Variants in SRGAP3 observed in about 807,000 individuals in gnomAD.
SRGAP3 encodes the protein SLIT-ROBO Rho GTPase activating protein 3.
Under a neutral mutation model 121.1 loss-of-function variants are expected in SRGAP3, and 39 were observed. That is an observed-to-expected ratio of 0.32 (90% CI 0.25 to 0.42). The LOEUF (loss-of-function observed/expected upper bound fraction) is 0.42, where lower values mean the gene tolerates loss of function less well. SRGAP3 is among the 10% of genes least tolerant of loss of function. The pLI is 1.00. For missense variants in SRGAP3, 1,213 were observed against 1,470.6 expected (o/e 0.82, Z 2.86); for synonymous variants, 601 against 570.0 (o/e 1.05, Z -0.77).
At chr3:9,340,058 G>A (rs1158555468) in intron 1 of SRGAP3, among the ~76,000 whole-genome samples, 1 of 152,016 alleles carries the variant, frequency 6.6e-6, no homozygotes, top group Non-Finnish European at 1.5e-5. Context: ...AGAGAGGAGT[G>A]AAGCACAAGC....
chr3:9,055,865 G>A (rs750378479), intron 8 of SRGAP3, among the ~76,000 whole-genome samples: 3 of 150,144 alleles, frequency 2.0e-5, no homozygotes. Flanking sequence ...ACTGAACATA[G>A]AGTCCTATTT....
intron 3 of SRGAP3, among the ~76,000 whole-genome samples, chr3:9,303,477 T>C (rs1162488101): frequency 2.0e-5 from 3 of 152,086 alleles, no homozygotes; most frequent in Admixed American, 2.0e-4. Flanking sequence ...TTAATGGATT[T>C]TCCAGTACAC....
intron 3 of SRGAP3, among the ~76,000 whole-genome samples, chr3:9,291,170 T>C (rs543994238): frequency 3.0e-4 from 45 of 152,312 alleles, no homozygotes; most frequent in Admixed American, 7.2e-4. Flanking sequence ...ACATGATCAA[T>C]TCATCTCGGC....
Position 9,233,989 on chromosome 3 carries a change from G to C in SRGAP3, c.67+14896C>G, listed in dbSNP as rs140165048. 4.6e-5 allele frequency among the ~76,000 whole-genome samples: 7 copies of C among 152,276 alleles called. No individual in the cohort carries two copies. In the East Asian group the frequency reaches 1.4e-3, roughly 29 times the overall value. ...TCTATGTTTCTGGCAGACAGCAGTAGAGCCTCTGCCATTTTTGGAGCAGAG... is the reference window on the plus strand; with the variant it reads ...TCTATGTTTCTGGCAGACAGCAGTACAGCCTCTGCCATTTTTGGAGCAGAG... On this transcript the variant is annotated intron_variant, in intron 1 of 21. Transcript: ENST00000383836.
At chr3:9,052,524 A>C (rs1175773504) in intron 9 of SRGAP3, among the ~76,000 whole-genome samples, 1 of 152,172 alleles carries the variant, frequency 6.6e-6, no homozygotes, top group Non-Finnish European at 1.5e-5. Context: ...CTAAAGCCCC[A>C]GTCCCCGTCT....
Position 8,981,613 on chromosome 3 carries a change from C to T in SRGAP3, c.*3906G>A. 1 of 232,672 alleles carries T rather than the reference C, an allele frequency of 4.3e-6. No homozygotes were observed. The highest frequency in any genetic ancestry group is 6.1e-5 in the East Asian group (1 of 16,480). 14.4% of individuals were successfully genotyped at this position (232,672 alleles called of 1,614,324 possible). A position where few individuals can be genotyped will look rare whatever the true frequency, so the allele number is the denominator to read the frequency against. ...TGACAGAGAAATATACCCAACAAGG[C>T]ACTCCAAGGGACTCCAACAGAGAAG... On this transcript the variant is annotated 3_prime_UTR_variant, in exon 22 of 22. Transcript: ENST00000383836.
intron 1 of SRGAP3, among the ~76,000 whole-genome samples, chr3:9,205,113 T>C (rs1282825435): frequency 2.6e-5 from 4 of 152,174 alleles, no homozygotes; most frequent in Admixed American, 6.5e-5. Context: ...TGATTATGAT[T>C]CGAAAATGCG....
chr3:9,048,313 T>G (rs1399783460), intron 9 of SRGAP3, among the ~76,000 whole-genome samples: 2 of 152,250 alleles, frequency 1.3e-5, no homozygotes, highest in Non-Finnish European at 2.9e-5. Context: ...ATGCCTCTGC[T>G]GCATGGCCAG....
intron 9 of SRGAP3, among the ~76,000 whole-genome samples, chr3:9,049,713 T>A (rs941446855): frequency 6.6e-6 from 1 of 151,856 alleles, no homozygotes; most frequent in South Asian, 2.1e-4. Context: ...GAGGAACCAG[T>A]GAGGCCCAGA....
intron 3 of SRGAP3, among the ~76,000 whole-genome samples, chr3:9,255,524 T>C (rs566406024): frequency 6.6e-6 from 1 of 152,238 alleles, no homozygotes; most frequent in Non-Finnish European, 1.5e-5. Context: ...CCAGCAAAAG[T>C]TTTGGAATGG....
intron 4 of SRGAP3, among the ~76,000 whole-genome samples, chr3:9,071,904 C>A (rs540581481): frequency 6.6e-6 from 1 of 152,094 alleles, no homozygotes; most frequent in East Asian, 1.9e-4. Flanking sequence ...GGGTCTCTGG[C>A]CTCACAGAGT....
chr3:9,272,149 T>A (rs1954489293), intron 3 of SRGAP3, among the ~76,000 whole-genome samples: 1 of 152,234 alleles, frequency 6.6e-6, no homozygotes, highest in African/African-American at 2.4e-5. Flanking sequence ...CCCCCTGGAT[T>A]GCACCATCCC....
intron 1 of SRGAP3, among the ~76,000 whole-genome samples, chr3:9,209,503 T>C (rs539391516): frequency 2.0e-5 from 3 of 152,336 alleles, no homozygotes; most frequent in Non-Finnish European, 2.9e-5. Context: ...CGGCCCATAT[T>C]GACAAGTGTG....
intron 3 of SRGAP3, among the ~76,000 whole-genome samples, chr3:9,279,795 G>A (rs1443679233): frequency 6.6e-6 from 1 of 152,142 alleles, no homozygotes; most frequent in African/African-American, 2.4e-5. Context: ...TTACAGGGGT[G>A]AGCCACTGCA....
chr3:9,191,219 G>A (rs1231127216), intron 1 of SRGAP3, among the ~76,000 whole-genome samples: 1 of 152,076 alleles, frequency 6.6e-6, no homozygotes, highest in Non-Finnish European at 1.5e-5. Flanking sequence ...CCAGGCCCAG[G>A]CACTATGGTC....
At chr3:9,069,431 C>A (rs1022888600) in intron 4 of SRGAP3, among the ~76,000 whole-genome samples, 4 of 152,154 alleles carry the variant, frequency 2.6e-5, no homozygotes, top group Admixed American at 2.6e-4. Context: ...CTGGGGATGT[C>A]TGAAGGGCCC....
intron 1 of SRGAP3, among the ~76,000 whole-genome samples, chr3:9,163,986 CTTTTT>C (rs767652463): frequency 1.2e-5 from 1 of 83,316 alleles, no homozygotes; most frequent in Non-Finnish European, 2.4e-5. Context: ...AACTACTATT[CTTTTT>C]TTTTTTTTTT....
At chr3:9,247,022 C>T (rs1430409947) in intron 1 of SRGAP3, among the ~76,000 whole-genome samples, 1 of 152,160 alleles carries the variant, frequency 6.6e-6, no homozygotes. Flanking sequence ...TTCACTGGCC[C>T]AGTAGTAGCA....
At chr3:9,275,950 A>G (rs528506419) in intron 3 of SRGAP3, among the ~76,000 whole-genome samples, 1 of 152,250 alleles carries the variant, frequency 6.6e-6, no homozygotes, top group African/African-American at 2.4e-5. Flanking sequence ...CTGTAATCCC[A>G]ACACTACCAG....
Sources: gnomAD v4.1 joint callset for allele counts (sites outside exome capture counted in the v4.1 genomes callset) on GRCh38, gnomAD v4.1.1 for gene constraint, MANE v1.5 for transcripts, NCBI Gene and HGNC (gene_info 2026-07-23, HGNC 2026-07-21) for gene names.